The following ARNT2 variants were observed in gnomAD, a reference collection of about 807,000 sequenced individuals.
The protein encoded by ARNT2 is ARNT protein 2.
A neutral mutation model predicts 91.7 loss-of-function variants in ARNT2; 36 were observed. The ratio of observed to expected loss-of-function variants is 0.39; its 90% CI spans 0.30 to 0.52. The LOEUF (loss-of-function observed/expected upper bound fraction) is 0.52, where lower values mean the gene tolerates loss of function less well. Ranked by LOEUF, ARNT2 falls within the 20% of genes least tolerant of loss-of-function variation. The pLI is 0.72. For synonymous variants in ARNT2, 365 were observed against 347.1 expected, an observed-to-expected ratio of 1.05 and a Z score of -0.57; for missense variants, 775 against 939.3, an observed-to-expected ratio of 0.83 and a Z score of 2.29.
chr15:80,513,759 C>A, intron 6 of ARNT2, 152 bp from the exon 7 acceptor site: 1 of 533,470 alleles, frequency 1.9e-6, no homozygotes, highest in Non-Finnish European at 3.4e-6. Context: ...GCATGCAGGT[C>A]TGCTTCTGCA....
chr15:80,467,774 A>G (rs889095711), intron 3 of ARNT2, among the ~76,000 whole-genome samples: 1 of 152,120 alleles, frequency 6.6e-6, no homozygotes, highest in African/African-American at 2.4e-5. Context: ...GAGCTCCTCT[A>G]GGCCTTTCTT....
rs1205035819 is a variant in ARNT2, at chr15:80,596,848, C to T, written c.*3150C>T. On this transcript the variant is annotated 3_prime_UTR_variant, in exon 19 of 19. Coordinates refer to ENST00000303329, the MANE Select transcript of ARNT2 (RefSeq NM_014862.4). ...CACAGATGCAGCCACAGTAAGGCTC[C>T]ATCAGGACTGGGTCAGTGATGGCAA... is the stretch of plus-strand genomic sequence containing the variant. 2 of 304,212 alleles carry T rather than the reference C, an allele frequency of 6.6e-6. No individual in the cohort carries two copies. Among genetic ancestry groups the T allele is most frequent in the East Asian group, 8.2e-5 (1 of 12,150 alleles). 18.8% of individuals were successfully genotyped at this position (304,212 alleles called of 1,614,324 possible).
intron 8 of ARNT2, among the ~76,000 whole-genome samples, chr15:80,545,667 A>G (rs1479113755): frequency 6.6e-6 from 1 of 152,242 alleles, no homozygotes; most frequent in African/African-American, 2.4e-5. Context: ...TCACTAATAC[A>G]TAACAGAAGA....
At chr15:80,503,187 G>T (rs1481289411) in intron 5 of ARNT2, among the ~76,000 whole-genome samples, 1 of 152,308 alleles carries the variant, frequency 6.6e-6, no homozygotes, top group Middle Eastern at 3.4e-3. Flanking sequence ...CCGGTAGTAA[G>T]CAAACCCAGC....
intron 1 of ARNT2, among the ~76,000 whole-genome samples, chr15:80,438,117 A>G (rs895794314): frequency 6.6e-6 from 1 of 152,132 alleles, no homozygotes; most frequent in Non-Finnish European, 1.5e-5. Flanking sequence ...AAAAATAGGT[A>G]TTGTTCTTAT....
At chr15:80,412,134 A>G (rs1287631684) in intron 1 of ARNT2, among the ~76,000 whole-genome samples, 1 of 152,242 alleles carries the variant, frequency 6.6e-6, no homozygotes, top group African/African-American at 2.4e-5. Context: ...CTCTTTGCAG[A>G]TAAGCAGAGA....
At chr15:80,429,436 C>T (rs1171557480) in intron 1 of ARNT2, among the ~76,000 whole-genome samples, 2 of 152,186 alleles carry the variant, frequency 1.3e-5, no homozygotes, top group African/African-American at 4.8e-5. Flanking sequence ...TGGAGGCGCT[C>T]GCAAGGTGGG....
chr15:80,575,148 G>A lies in ARNT2; in HGVS notation c.1513+38G>A, dbSNP rs771016651. 4.4e-6 allele frequency: 7 copies of A among 1,603,998 alleles called. No individual in the cohort carries two copies. The East Asian group carries it at 1.3e-4, about 31-fold the overall frequency. On this transcript the variant is annotated intron_variant, in intron 14 of 18. Transcript: ENST00000303329. ...ATGGTACTGAGGTTTTGAGAGTGTG[G>A]GTTTACAGTTGCTTTCAGGCCATCT... is the stretch of plus-strand genomic sequence containing the variant.
chr15:80,527,011 C>T (rs1897649838), intron 8 of ARNT2, among the ~76,000 whole-genome samples: 1 of 152,202 alleles, frequency 6.6e-6, no homozygotes, highest in Non-Finnish European at 1.5e-5. Flanking sequence ...ATGAGTACAT[C>T]AGGTCTCTGC....
chr15:80,520,491 T>C (rs1272038789), intron 8 of ARNT2, among the ~76,000 whole-genome samples: 1 of 152,154 alleles, frequency 6.6e-6, no homozygotes, highest in Non-Finnish European at 1.5e-5. Flanking sequence ...ATAGTGCTTA[T>C]GGTTAACAAT....
At chr15:80,590,591 AATTAGT>A in intron 17 of ARNT2, among the ~76,000 whole-genome samples, 1 of 152,308 alleles carries the variant, frequency 6.6e-6, no homozygotes, top group South Asian at 2.1e-4. Flanking sequence ...AATGTTTTTT[AATTAGT>A]CAGGCAATGT....
intron 6 of ARNT2, among the ~76,000 whole-genome samples, chr15:80,512,548 C>T (rs910413630): frequency 5.3e-5 from 8 of 152,202 alleles, no homozygotes; most frequent in Non-Finnish European, 1.2e-4. Flanking sequence ...CATTGCTGTG[C>T]ATCCAGAGAT....
intron 5 of ARNT2, among the ~76,000 whole-genome samples, chr15:80,503,969 G>T (rs555995420): frequency 1.3e-5 from 2 of 152,244 alleles, no homozygotes; most frequent in Non-Finnish European, 1.5e-5. Flanking sequence ...CACAGTCCTA[G>T]ACCATGTGTG....
intron 12 of ARNT2, among the ~76,000 whole-genome samples, chr15:80,563,844 G>A (rs902667941): frequency 1.3e-5 from 2 of 152,168 alleles, no homozygotes; most frequent in Admixed American, 6.5e-5. Flanking sequence ...CTGGCTGTGC[G>A]TCCTTGAACA....
At chr15:80,524,870 G>C (rs1897615010) in intron 8 of ARNT2, among the ~76,000 whole-genome samples, 1 of 142,622 alleles carries the variant, frequency 7.0e-6, no homozygotes, top group Non-Finnish European at 1.5e-5. Flanking sequence ...GCCAGACTCT[G>C]TCTCAAAAAA....
At chr15:80,465,384 G>A (rs1355599100) in intron 3 of ARNT2, among the ~76,000 whole-genome samples, 1 of 152,140 alleles carries the variant, frequency 6.6e-6, no homozygotes, top group East Asian at 1.9e-4. Flanking sequence ...ATTTTCAGCA[G>A]GTCTGTTGTT....
chr15:80,415,467 A>G (rs1895764866), intron 1 of ARNT2, among the ~76,000 whole-genome samples: 1 of 152,176 alleles, frequency 6.6e-6, no homozygotes, highest in African/African-American at 2.4e-5. Flanking sequence ...TTTGTTTCCA[A>G]ATGCAACAGG....
chr15:80,485,116 C>G (rs1896948609), intron 5 of ARNT2, among the ~76,000 whole-genome samples: 1 of 152,196 alleles, frequency 6.6e-6, no homozygotes, highest in Non-Finnish European at 1.5e-5. Flanking sequence ...TACTATAGAT[C>G]AGTGGTTTCC....
At chr15:80,453,367 T>C (rs1004016034) in intron 2 of ARNT2, among the ~76,000 whole-genome samples, 1 of 152,162 alleles carries the variant, frequency 6.6e-6, no homozygotes, top group African/African-American at 2.4e-5. Context: ...CTACTTCCTT[T>C]TCCCTGCCGG....
Sources: gnomAD v4.1 joint callset for allele counts (sites outside exome capture counted in the v4.1 genomes callset) on GRCh38, gnomAD v4.1.1 for gene constraint, MANE v1.5 for transcripts, NCBI Gene and HGNC (gene_info 2026-07-23, HGNC 2026-07-21) for gene names.